The following CFDP1 variants were observed in gnomAD, a reference collection of about 807,000 sequenced individuals.
The protein encoded by CFDP1 is chromatin remodeling protein CFDP1, also known as heterochromatin-stabilizing protein CFDP1.
Under a neutral mutation model 40.1 loss-of-function variants are expected in CFDP1, and 31 were observed. The ratio of observed to expected loss-of-function variants is 0.77; its 90% CI spans 0.58 to 1.04. The LOEUF is 1.04. Ranked by LOEUF, CFDP1 falls within the 50% of genes least tolerant of loss-of-function variation. The probability of loss-of-function intolerance (pLI) is 0.00; values close to 1 mark genes in which losing one functional copy is unlikely to be tolerated. For synonymous variants in CFDP1, 167 were observed against 120.0 expected (o/e 1.39, Z -2.56); for missense variants, 423 against 343.4 (o/e 1.23, Z -1.83).
intron 5 of CFDP1, among the ~76,000 whole-genome samples, chr16:75,356,777 A>G (rs1417681830): frequency 6.6e-6 from 1 of 152,218 alleles, no homozygotes; most frequent in Non-Finnish European, 1.5e-5. Flanking sequence ...ATTTACACTG[A>G]AAATCTGTTG....
At chr16:75,372,315 G>C (rs1597361202) in intron 5 of CFDP1, 1 of 152,206 alleles carries the variant, frequency 6.6e-6, no homozygotes, top group Non-Finnish European at 1.5e-5. Flanking sequence ...GGATATATAT[G>C]GTTTTCATAT....
intron 5 of CFDP1, among the ~76,000 whole-genome samples, chr16:75,391,925 G>A (rs540965306): frequency 6.6e-5 from 10 of 151,662 alleles, no homozygotes; most frequent in Non-Finnish European, 1.2e-4. Flanking sequence ...CCGAGATCGC[G>A]CCACTGCACT....
At chr16:75,297,916 T>C (rs111851899) in intron 6 of CFDP1, among the ~76,000 whole-genome samples, 8 of 152,262 alleles carry the variant, frequency 5.3e-5, no homozygotes, top group African/African-American at 1.7e-4. Flanking sequence ...CTAGGGAACA[T>C]GTCAGTACAA....
At chr16:75,375,418 A>G (rs970353624) in intron 5 of CFDP1, among the ~76,000 whole-genome samples, 3 of 152,192 alleles carry the variant, frequency 2.0e-5, no homozygotes, top group African/African-American at 7.2e-5. Flanking sequence ...TTACACATGA[A>G]AAGATGTCAT....
At chr16:75,371,981 G>C (rs35552529) in intron 5 of CFDP1, among the ~76,000 whole-genome samples, 79,620 of 151,992 alleles carry the variant, frequency 0.52, 21,788 homozygotes, top group Admixed American at 0.64. Flanking sequence ...AGGAACTGTA[G>C]TGACACCTTA....
At chr16:75,352,090 C>T (rs567142107) in intron 5 of CFDP1, among the ~76,000 whole-genome samples, 1 of 150,786 alleles carries the variant, frequency 6.6e-6, no homozygotes, top group Admixed American at 6.6e-5. Context: ...CCTGTAATCC[C>T]AGCACTCCGG....
chr16:75,307,604 G>A (rs532869402), intron 5 of CFDP1, among the ~76,000 whole-genome samples: 1 of 152,182 alleles, frequency 6.6e-6, no homozygotes, highest in African/African-American at 2.4e-5. Flanking sequence ...TGTTACCCAG[G>A]CTAGAGTACA....
At chr16:75,411,170 A>G (rs1350545189) in intron 4 of CFDP1, among the ~76,000 whole-genome samples, 3 of 152,054 alleles carry the variant, frequency 2.0e-5, no homozygotes, top group African/African-American at 7.2e-5. Context: ...ATGAGCCGAG[A>G]TCGCACCCTG....
intron 5 of CFDP1, among the ~76,000 whole-genome samples, chr16:75,327,285 A>C (rs2078409331): frequency 6.6e-6 from 1 of 152,134 alleles, no homozygotes; most frequent in South Asian, 2.1e-4. Context: ...AAACGAAACA[A>C]AAAACCAGGG....
At chr16:75,431,471 A>AG (rs2079415763) in intron 1 of CFDP1, among the ~76,000 whole-genome samples, 1 of 148,820 alleles carries the variant, frequency 6.7e-6, no homozygotes, top group East Asian at 2.0e-4. Flanking sequence ...AAAAAAAAAA[A>AG]AAAAAAGAAA....
At chr16:75,296,017 G>A (rs1011214184) in intron 6 of CFDP1, among the ~76,000 whole-genome samples, 5 of 152,092 alleles carry the variant, frequency 3.3e-5, no homozygotes, top group Admixed American at 1.3e-4. Context: ...TCACTACCAC[G>A]GGGACCAGGA....
At chr16:75,393,545 C>T (rs1236450420) in intron 5 of CFDP1, among the ~76,000 whole-genome samples, 1 of 151,494 alleles carries the variant, frequency 6.6e-6, no homozygotes, top group African/African-American at 2.4e-5. Flanking sequence ...TCCTGGCTAA[C>T]AAGGTGAAAC....
intron 1 of CFDP1, among the ~76,000 whole-genome samples, chr16:75,419,697 C>G (rs114598305): frequency 2.4e-4 from 36 of 152,246 alleles, no homozygotes; most frequent in African/African-American, 8.4e-4. Context: ...ATAAAACAGT[C>G]TGCCGTAAAG....
At chr16:75,383,648 G>A (rs1488345594) in intron 5 of CFDP1, among the ~76,000 whole-genome samples, 1 of 151,908 alleles carries the variant, frequency 6.6e-6, no homozygotes, top group African/African-American at 2.4e-5. Flanking sequence ...GTGAAACCCT[G>A]CCTCTACTAA....
At chr16:75,310,852 C>T (rs2078289577) in intron 5 of CFDP1, among the ~76,000 whole-genome samples, 1 of 152,214 alleles carries the variant, frequency 6.6e-6, no homozygotes, top group Admixed American at 6.5e-5. Context: ...TAAAATCATC[C>T]CCAGGTACCC....
intron 5 of CFDP1, among the ~76,000 whole-genome samples, chr16:75,347,579 TGAGGCAG>T (rs2078578498): frequency 6.6e-6 from 1 of 151,822 alleles, no homozygotes; most frequent in South Asian, 2.1e-4. Context: ...CTCGGGAGGC[TGAGGCAG>T]GAGAATGGTG....
chr16:75,300,841 A>G (rs2078216904), intron 6 of CFDP1, among the ~76,000 whole-genome samples: 2 of 151,886 alleles, frequency 1.3e-5, no homozygotes, highest in South Asian at 4.2e-4. Context: ...ACTTGCAACT[A>G]GTGAGCTTTC....
In CFDP1 at chr16:75,433,293, C is replaced by A. The variant is rs754680010; in HGVS notation, c.60G>T (p.Pro20=). ...GCCTCAGGCGGAATCGCTCACCCGA[C>A]GGCACGTAGTCCTCGTCCTCCTCCG... is the stretch of plus-strand genomic sequence containing the variant. ...STSEEDEDYV[P]SGGEYSEDDV... is the part of the protein sequence containing the mutation. The change falls in exon 1 of 7, where the codon CCG becomes CCT. Residue 20 remains proline, a synonymous_variant. Transcript: ENST00000283882. 1.9e-6 allele frequency: 3 copies of A among 1,599,312 alleles called. No homozygotes were observed. Among genetic ancestry groups the A allele is most frequent in the Admixed American group, 3.4e-5 (2 of 59,028 alleles).
In CFDP1 at chr16:75,313,144, T is replaced by C. The variant is rs188233357; in HGVS notation, c.651-7962A>G. On this transcript the variant is annotated intron_variant, in intron 5 of 6. Coordinates refer to ENST00000283882, the MANE Select transcript of CFDP1 (RefSeq NM_006324.3). ...AGAGTAACGTGTTGTTTGTGTTTAT[T>C]ACTCTGCTTACTTCAGACCTTTCAG... 3.2e-3 allele frequency among the ~76,000 whole-genome samples: 484 copies of C among 152,368 alleles called. 6 individuals carry two copies. Among genetic ancestry groups the C allele is most frequent in the Non-Finnish European group, 2.0e-3 (133 of 68,034 alleles).
Sources: allele counts gnomAD v4.1 joint callset (sites outside exome capture counted in the v4.1 genomes callset), GRCh38; gene constraint gnomAD v4.1.1; transcripts MANE v1.5; gene names NCBI Gene and HGNC (gene_info 2026-07-23, HGNC 2026-07-21).